Variants in DOCK2 observed in about 807,000 individuals in gnomAD.
DOCK2 encodes the protein dedicator of cytokinesis protein 2.
In DOCK2, 87 loss-of-function variants were observed where a neutral mutation model predicts 248.9. That is an observed-to-expected ratio of 0.35 (90% CI 0.29 to 0.42). The LOEUF is 0.42. DOCK2 is among the 10% of genes least tolerant of loss of function. The pLI is 1.00. For synonymous variants in DOCK2, 805 were observed against 821.6 expected (o/e 0.98, Z 0.35); for missense variants, 1,747 against 2,300.2 (o/e 0.76, Z 4.92).
At chr5:169,965,881 A>G (rs1777278382) in intron 27 of DOCK2, among the ~76,000 whole-genome samples, 1 of 152,094 alleles carries the variant, frequency 6.6e-6, no homozygotes, top group Non-Finnish European at 1.5e-5. Context: ...CTGGGCTCTC[A>G]CCTTTGACGT....
chr5:169,742,135 G>A (rs1412524189), intron 22 of DOCK2, among the ~76,000 whole-genome samples: 1 of 152,022 alleles, frequency 6.6e-6, no homozygotes, highest in African/African-American at 2.4e-5. Context: ...ATTTTTATCT[G>A]CAGTGTGGTG....
intron 30 of DOCK2, among the ~76,000 whole-genome samples, chr5:169,996,848 A>C (rs1754654855): frequency 6.6e-6 from 1 of 152,188 alleles, no homozygotes; most frequent in African/African-American, 2.4e-5. Context: ...GAGCTCATGA[A>C]CTGGAATGAT....
chr5:169,771,798 TAAG>T (rs1315283122), intron 25 of DOCK2, among the ~76,000 whole-genome samples: 1 of 152,222 alleles, frequency 6.6e-6, no homozygotes, highest in Non-Finnish European at 1.5e-5. Flanking sequence ...GTGTGTGCCT[TAAG>T]AAATCTTTCT....
At position 170,037,073 on chromosome 5, in the gene DOCK2, C is replaced by T. The variant is rs564372412; in HGVS notation, c.3665+518C>T. 5.3e-5 allele frequency among the ~76,000 whole-genome samples: 8 copies of T among 152,162 alleles called. No individual in the cohort carries two copies. The East Asian group carries it at 1.5e-3, about 29-fold the overall frequency. On this transcript the variant is annotated intron_variant, in intron 36 of 51. Coordinates refer to ENST00000520908, the MANE Select transcript of DOCK2 (RefSeq NM_004946.3). ...CTCCTTTGCCAGTTTTTCTCAGAAT[C>T]TCATATTTTTTTCTGCAATTTAAAA...
intron 26 of DOCK2, among the ~76,000 whole-genome samples, chr5:169,819,382 A>C (rs1017374774): frequency 3.9e-5 from 6 of 152,282 alleles, no homozygotes; most frequent in Admixed American, 6.5e-5. Context: ...GCACTTTGGG[A>C]AGCCAAAGCT....
At chr5:169,901,380 A>G (rs749293448) in intron 27 of DOCK2, among the ~76,000 whole-genome samples, 14 of 152,134 alleles carry the variant, frequency 9.2e-5, no homozygotes, top group Non-Finnish European at 2.1e-4. Flanking sequence ...CTTTTGGTTG[A>G]TTTTTGAAAA....
chr5:169,666,827 C>T (rs879726208), intron 2 of DOCK2, among the ~76,000 whole-genome samples: 1 of 152,210 alleles, frequency 6.6e-6, no homozygotes, highest in African/African-American at 2.4e-5. Flanking sequence ...GGAGATAAAG[C>T]CTTCTTGCAA....
At chr5:170,060,751 G>A (rs1757300378) in intron 44 of DOCK2, among the ~76,000 whole-genome samples, 1 of 152,174 alleles carries the variant, frequency 6.6e-6, no homozygotes, top group Non-Finnish European at 1.5e-5. Context: ...GAAATGCTGG[G>A]GTGGGCGTGG....
chr5:169,816,943 A>G (rs1308693033), intron 26 of DOCK2, among the ~76,000 whole-genome samples: 1 of 152,184 alleles, frequency 6.6e-6, no homozygotes, highest in African/African-American at 2.4e-5. Flanking sequence ...CTGGTGGTTT[A>G]CAACCTGAAT....
At chr5:169,996,726 T>C (rs1308762155) in intron 30 of DOCK2, among the ~76,000 whole-genome samples, 1 of 152,184 alleles carries the variant, frequency 6.6e-6, no homozygotes, top group Non-Finnish European at 1.5e-5. Context: ...GATTGCTTCC[T>C]CTGCCTGGAG....
At chr5:170,000,416 A>G (rs1487504433) in intron 30 of DOCK2, 1 of 152,250 alleles carries the variant, frequency 6.6e-6, no homozygotes, top group African/African-American at 2.4e-5. Context: ...CATCTAACCA[A>G]TAAATGGGGC....
chr5:169,988,436 T>C (rs896081916), intron 29 of DOCK2, among the ~76,000 whole-genome samples: 18 of 152,188 alleles, frequency 1.2e-4, no homozygotes, highest in African/African-American at 4.1e-4. Context: ...CCTGTTGCAT[T>C]GCTGAAAAGA....
chr5:169,691,542 G>A (rs1760303290), intron 9 of DOCK2, among the ~76,000 whole-genome samples: 1 of 152,172 alleles, frequency 6.6e-6, no homozygotes, highest in African/African-American at 2.4e-5. Context: ...AAATAAACAA[G>A]AGCAATGTCA....
At chr5:169,734,342 A>G (rs1398428998) in intron 22 of DOCK2, among the ~76,000 whole-genome samples, 3 of 152,102 alleles carry the variant, frequency 2.0e-5, no homozygotes, top group African/African-American at 7.2e-5. Context: ...ACTTTGTTGC[A>G]TAATTCCAGT....
chr5:169,685,362 C>T (rs540847942), intron 8 of DOCK2, among the ~76,000 whole-genome samples: 3 of 152,264 alleles, frequency 2.0e-5, no homozygotes, highest in East Asian at 3.9e-4. Context: ...GCTGCTCCTC[C>T]GGCTCCCACT....
chr5:169,718,601 C>T (rs79390718), intron 21 of DOCK2, 56 bp from the exon 22 acceptor site: 121,454 of 1,576,614 alleles, frequency 0.077, 5,879 homozygotes, highest in South Asian at 0.19. Context: ...ATTTACTGAG[C>T]AAACTAATTA....
chr5:169,995,594 G>A (rs980766278), intron 29 of DOCK2, among the ~76,000 whole-genome samples: 6 of 152,162 alleles, frequency 3.9e-5, no homozygotes, highest in African/African-American at 1.4e-4. Flanking sequence ...GAGTAAAAAC[G>A]ACAGGCTGTG....
At chr5:169,975,115 A>AGGAG (rs899037278) in intron 27 of DOCK2, among the ~76,000 whole-genome samples, 1 of 152,228 alleles carries the variant, frequency 6.6e-6, no homozygotes, top group Non-Finnish European at 1.5e-5. Flanking sequence ...CACCTGCTGA[A>AGGAG]GGAGGGCCAG....
At position 170,038,893 on chromosome 5, in the gene DOCK2, T is replaced by A. The variant is rs1360065268; in HGVS notation, c.3666-2162T>A. On this transcript the variant is annotated intron_variant, in intron 36 of 51. Transcript: ENST00000520908. ...CTCAGCCATCTAGGGGTCTAAGGCA[T>A]CGAGGATGGGCAGGAGGAGATAAGG... 9.9e-5 allele frequency among the ~76,000 whole-genome samples: 15 copies of A among 152,148 alleles called. 1 individual carries two copies. The highest frequency in any genetic ancestry group is 9.8e-4 in the Admixed American group (15 of 15,276).
Sources: allele counts gnomAD v4.1 joint callset (sites outside exome capture counted in the v4.1 genomes callset), GRCh38; gene constraint gnomAD v4.1.1; transcripts MANE v1.5; gene names NCBI Gene and HGNC (gene_info 2026-07-23, HGNC 2026-07-21).